Variants in FAT3 observed in about 807,000 individuals in gnomAD.
FAT3 encodes FAT atypical cadherin 3.
In FAT3, 95 loss-of-function variants were observed where a neutral mutation model predicts 310.2. The observed-to-expected ratio is 0.31, with a 90% CI of 0.26 to 0.36. The LOEUF (loss-of-function observed/expected upper bound fraction) is 0.36, where lower values mean the gene tolerates loss of function less well. FAT3 is among the 10% of genes least tolerant of loss of function. The probability of loss-of-function intolerance (pLI) is 1.00; values close to 1 mark genes in which losing one functional copy is unlikely to be tolerated. For missense variants in FAT3, 5,408 were observed against 5,715.6 expected (o/e 0.95, Z 1.74); for synonymous variants, 2,314 against 2,192.9 (o/e 1.06, Z -1.54).
intron 21 of FAT3, among the ~76,000 whole-genome samples, chr11:92,861,379 A>G (rs895433809): frequency 6.6e-6 from 1 of 152,246 alleles, no homozygotes; most frequent in East Asian, 1.9e-4. Flanking sequence ...TTGACACTTC[A>G]CTGGCAAAAG....
chr11:92,649,623 C>T (rs1171765962), intron 3 of FAT3, among the ~76,000 whole-genome samples: 1 of 151,988 alleles, frequency 6.6e-6, no homozygotes, highest in Non-Finnish European at 1.5e-5. Flanking sequence ...TGCCTCAGCG[C>T]TTTGTTAGCC....
intron 13 of FAT3, among the ~76,000 whole-genome samples, chr11:92,829,836 C>T (rs1258952062): frequency 6.6e-6 from 1 of 152,188 alleles, no homozygotes; most frequent in South Asian, 2.1e-4. Context: ...AGAACAGGCT[C>T]TCAGTGTTGA....
intron 2 of FAT3, among the ~76,000 whole-genome samples, chr11:92,371,166 A>G (rs1454082321): frequency 6.6e-6 from 1 of 152,216 alleles, no homozygotes; most frequent in Non-Finnish European, 1.5e-5. Context: ...ACTAACTCTC[A>G]TTGTGTGTTT....
chr11:92,883,305 C>T lies in FAT3; in HGVS notation c.12849C>T (p.Cys4283=), dbSNP rs368648700. 3.7e-6 allele frequency: 6 copies of T among 1,612,260 alleles called. No individual in the cohort carries two copies. In the African/African-American group the frequency reaches 6.7e-5, roughly 18 times the overall value. The change falls in exon 24 of 28, where the codon TGC becomes TGT. Residue 4283 remains cysteine, a synonymous_variant. Transcript: ENST00000525166. This position sits in a 1 kb window ranked among gnomAD's most constrained non-coding sequence, Gnocchi z 4.2. Reference sequence around the variant, plus strand: ...CAGCCCGGCGGGGCGTGGTCGTGTGCAGTGTGGCCCCCAACCTCCCCGCCG... The same window carrying T: ...CAGCCCGGCGGGGCGTGGTCGTGTGTAGTGTGGCCCCCAACCTCCCCGCCG... The part of the protein sequence containing the change: ...ILTARRGVVV[C]SVAPNLPAVS...
rs1175784184 is a variant in FAT3, at chr11:92,891,073, A to G, written c.13730A>G (p.His4577Arg). 1 of 1,613,790 alleles carries G rather than the reference A, an allele frequency of 6.2e-7. No homozygotes were observed. The highest frequency in any genetic ancestry group is 1.1e-5 in the South Asian group (1 of 91,006). Residue 4577 changes from histidine to arginine, a missense_variant, in exon 28 of 28, where the codon CAC becomes CGC. Physicochemically the swap from His to Arg is conservative, Grantham distance 29 (BLOSUM62 0). This residue lies in a region of FAT3 where 649 missense variants were observed against 666.2 expected (regional missense o/e 0.97). Transcript: ENST00000525166. ...GGAGAGCTCAGCCTCGCCAGCCTTCACATTCCCTTTGTGGAGACTCAGCAT... is the reference window on the plus strand; with the variant it reads ...GGAGAGCTCAGCCTCGCCAGCCTTCGCATTCCCTTTGTGGAGACTCAGCAT... ...SVGELSLASLHIPFVETQHQT... is the reference protein window; with the variant it reads ...SVGELSLASLRIPFVETQHQT...
chr11:92,341,010 G>A (rs1948244963), intron 1 of FAT3, among the ~76,000 whole-genome samples: 1 of 152,104 alleles, frequency 6.6e-6, no homozygotes, highest in South Asian at 2.1e-4. Context: ...ACCTCTAGGG[G>A]GCAGCATTCT....
At chr11:92,864,541 A>T (rs188710233) in intron 21 of FAT3, among the ~76,000 whole-genome samples, 2 of 152,278 alleles carry the variant, frequency 1.3e-5, no homozygotes, top group Non-Finnish European at 2.9e-5. Context: ...CGTGAGGCTG[A>T]GTGCGGTGGC....
chr11:92,395,582 CTTT>C (rs879447133), intron 2 of FAT3, among the ~76,000 whole-genome samples: 1 of 144,492 alleles, frequency 6.9e-6, no homozygotes, highest in Non-Finnish European at 1.5e-5. Flanking sequence ...TTCAGTGTCA[CTTT>C]TTTTTTTTTT....
chr11:92,615,235 C>A (rs1298710177), intron 3 of FAT3, among the ~76,000 whole-genome samples: 1 of 151,928 alleles, frequency 6.6e-6, no homozygotes, highest in Non-Finnish European at 1.5e-5. Flanking sequence ...TTCTTTTCTT[C>A]TTATTATTTT....
At chr11:92,854,388 G>T (rs1016431366) in intron 19 of FAT3, among the ~76,000 whole-genome samples, 4 of 152,120 alleles carry the variant, frequency 2.6e-5, no homozygotes, top group Non-Finnish European at 5.9e-5. Flanking sequence ...GGAGTGCAGG[G>T]TTCACACTTG....
At chr11:92,685,157 T>G (rs559062624) in intron 3 of FAT3, among the ~76,000 whole-genome samples, 1 of 152,260 alleles carries the variant, frequency 6.6e-6, no homozygotes, top group African/African-American at 2.4e-5. Flanking sequence ...TATCAATCCC[T>G]ACTTACACAT....
intron 22 of FAT3, among the ~76,000 whole-genome samples, chr11:92,878,822 T>C (rs1295103014): frequency 1.3e-5 from 2 of 151,514 alleles, no homozygotes; most frequent in Non-Finnish European, 2.9e-5. Flanking sequence ...CCAGGAGATC[T>C]GAGATCCAAA....
At position 92,354,523 on chromosome 11, in the gene FAT3, A is replaced by G. The variant is rs756387085; in HGVS notation, c.2411A>G (p.Tyr804Cys). 9.9e-6 allele frequency: 16 copies of G among 1,613,852 alleles called. No individual in the cohort carries two copies. The highest frequency in any genetic ancestry group is 2.2e-5 in the East Asian group (1 of 44,882). Residue 804 changes from tyrosine (Y) to cysteine (C), a missense_variant, in exon 2 of 28, where the codon TAT (tyrosine) becomes TGT (cysteine). Coordinates refer to ENST00000525166, the MANE Select transcript of FAT3 (RefSeq NM_001367949.2). Reference protein sequence around the residue: ...TDLYLLNITIYDLGNPQKSSW... With the variant: ...TDLYLLNITICDLGNPQKSSW... ...CTCTATCTCCTTAATATCACCATCT[A>G]TGACTTAGGTAATCCACAGAAATCG...
chr11:92,875,221 G>A (rs1949503321), intron 22 of FAT3, among the ~76,000 whole-genome samples: 1 of 149,132 alleles, frequency 6.7e-6, no homozygotes, highest in Non-Finnish European at 1.5e-5. Flanking sequence ...CTCTCATTGT[G>A]TTAACATAAA....
intron 1 of FAT3, among the ~76,000 whole-genome samples, chr11:92,335,568 A>G (rs926334828): frequency 1.3e-5 from 2 of 152,194 alleles, no homozygotes; most frequent in Non-Finnish European, 1.5e-5. Context: ...ATCCCTAAAG[A>G]AGGCTTATTT....
At chr11:92,845,264 C>G (rs944255027) in intron 19 of FAT3, among the ~76,000 whole-genome samples, 1 of 152,220 alleles carries the variant, frequency 6.6e-6, no homozygotes, top group Non-Finnish European at 1.5e-5. Flanking sequence ...GAAATTATCC[C>G]AAGGCAGTGA....
chr11:92,840,066 C>T (rs935608700), intron 17 of FAT3, among the ~76,000 whole-genome samples: 4 of 152,082 alleles, frequency 2.6e-5, no homozygotes, highest in Non-Finnish European at 4.4e-5. Context: ...AGGAATATGC[C>T]TTTGTATATT....
intron 4 of FAT3, among the ~76,000 whole-genome samples, chr11:92,744,550 A>T (rs1565558964): frequency 6.6e-6 from 1 of 152,090 alleles, no homozygotes; most frequent in Non-Finnish European, 1.5e-5. Flanking sequence ...TTTTATAACC[A>T]TTTTTTTATA....
At chr11:92,671,980 G>A (rs568685902) in intron 3 of FAT3, among the ~76,000 whole-genome samples, 11 of 152,182 alleles carry the variant, frequency 7.2e-5, no homozygotes, top group South Asian at 4.1e-4. Flanking sequence ...TTACCTGGGC[G>A]TGGTGGTGGG....
Sources: allele counts gnomAD v4.1 joint callset (sites outside exome capture counted in the v4.1 genomes callset), GRCh38; gene constraint gnomAD v4.1.1; regional missense constraint gnomAD v4.1.1; non-coding constraint Gnocchi (gnomAD v3.1); transcripts MANE v1.5; gene names NCBI Gene and HGNC (gene_info 2026-07-23, HGNC 2026-07-21).